EPB41L3: variants seen among roughly 807,000 people sequenced by gnomAD.
EPB41L3 encodes the protein band 4.1-like protein 3.
In EPB41L3, 57 loss-of-function variants were observed where a neutral mutation model predicts 127.1. That is an observed-to-expected ratio of 0.45 (90% CI 0.36 to 0.56). The LOEUF is 0.56. EPB41L3 is among the 20% of genes least tolerant of loss of function. The probability of loss-of-function intolerance (pLI) is 0.00; values close to 1 mark genes in which losing one functional copy is unlikely to be tolerated. For missense variants in EPB41L3, 1,273 were observed against 1,372.2 expected, an observed-to-expected ratio of 0.93 and a Z score of 1.14; for synonymous variants, 572 against 549.5, an observed-to-expected ratio of 1.04 and a Z score of -0.57.
intron 2 of EPB41L3, among the ~76,000 whole-genome samples, chr18:5,487,471 T>C (rs1017499790): frequency 1.9e-4 from 28 of 151,144 alleles, no homozygotes; most frequent in Middle Eastern, 7.0e-3. Context: ...AGATAGTAAG[T>C]TTTATTTGTA....
At position 5,533,241 on chromosome 18, in the gene EPB41L3, T is replaced by G. The variant is rs542954168; in HGVS notation, c.-12+10672A>C. 2.0e-4 allele frequency among the ~76,000 whole-genome samples: 31 copies of G among 152,320 alleles called. 1 individual carries two copies. The highest frequency in any genetic ancestry group is 3.5e-4 in the Non-Finnish European group (24 of 68,032). On this transcript the variant is annotated intron_variant, in intron 1 of 22. Coordinates refer to ENST00000341928, the MANE Select transcript of EPB41L3 (RefSeq NM_012307.5). ...GACACGGCCATGCTGTCAGAAAAGC[T>G]TAAGACCTTGAGGCTGAATGGCAAC... is the stretch of plus-strand genomic sequence containing the variant.
At chr18:5,515,414 A>G (rs2092709769) in intron 1 of EPB41L3, among the ~76,000 whole-genome samples, 1 of 152,172 alleles carries the variant, frequency 6.6e-6, no homozygotes, top group Non-Finnish European at 1.5e-5. Flanking sequence ...TTTGAAATGA[A>G]CTCTGCATCA....
intron 6 of EPB41L3, among the ~76,000 whole-genome samples, chr18:5,437,243 T>G (rs778317059): frequency 1.4e-4 from 22 of 152,098 alleles, no homozygotes; most frequent in Non-Finnish European, 3.1e-4. Context: ...ATGGGATTAG[T>G]GCCCTTACAA....
intron 1 of EPB41L3, among the ~76,000 whole-genome samples, chr18:5,494,351 T>C (rs1568417515): frequency 6.6e-6 from 1 of 152,078 alleles, no homozygotes; most frequent in Admixed American, 6.6e-5. Flanking sequence ...ACCTCCTGAG[T>C]TGTGTTTAAA....
chr18:5,452,014 ATTTTAGTAGAGACATGGTTTTGACAC>A (rs1333322079), intron 3 of EPB41L3, among the ~76,000 whole-genome samples: 1 of 151,930 alleles, frequency 6.6e-6, no homozygotes, highest in East Asian at 1.9e-4. Context: ...AATTTTTGTA[ATTTTAGTAGAGACATGGTTTTGACAC>A]TTTTAGTAGA....
At position 5,433,576 on chromosome 18, in the gene EPB41L3, G is replaced by A; in HGVS notation, c.825-20C>T. On this transcript the variant is annotated intron_variant, in intron 7 of 22. Transcript: ENST00000341928. ...ATTCCTCTGATGAGAAGAAAAATATGTTACAATGATGCTTTTCCCTTCCCT... is the reference window on the plus strand; with the variant it reads ...ATTCCTCTGATGAGAAGAAAAATATATTACAATGATGCTTTTCCCTTCCCT... 6.3e-7 allele frequency: 1 copy of A among 1,595,128 alleles called. No individual in the cohort carries two copies. Among genetic ancestry groups the A allele is most frequent in the Non-Finnish European group, 8.6e-7 (1 of 1,167,618 alleles).
At chr18:5,612,660 A>G (rs1281104665) in intron 2 of EPB41L3, among the ~76,000 whole-genome samples, 1 of 152,242 alleles carries the variant, frequency 6.6e-6, no homozygotes, top group Non-Finnish European at 1.5e-5. Flanking sequence ...TACTTGCTAA[A>G]GATGCAGAAA....
At chr18:5,536,379 G>C (rs2093572203) in intron 1 of EPB41L3, among the ~76,000 whole-genome samples, 1 of 151,034 alleles carries the variant, frequency 6.6e-6, no homozygotes, top group African/African-American at 2.4e-5. Context: ...CCATCATTAA[G>C]GTAATGATCC....
At position 5,434,255 on chromosome 18, in the gene EPB41L3, A is replaced by G. The variant is rs539637692; in HGVS notation, c.606-134T>C. 7 of 646,896 alleles carry G rather than the reference A, an allele frequency of 1.1e-5. No homozygotes were observed. The South Asian group carries it at 1.2e-4, about 11-fold the overall frequency. The allele number at this position is 646,896 out of a possible 1,614,324, so 40.1% of individuals were successfully genotyped here. On this transcript the variant is annotated intron_variant, in intron 6 of 22. Coordinates refer to ENST00000341928, the MANE Select transcript of EPB41L3 (RefSeq NM_012307.5). ...CTCTAGGATAAATTTTCTAGCGTCT[A>G]TATATTTTGATATTTACTTCATACA...
upstream of EPB41L3, among the ~76,000 whole-genome samples, chr18:5,547,246 C>A (rs533327339): frequency 1.2e-3 from 177 of 152,340 alleles, no homozygotes; most frequent in Non-Finnish European, 2.2e-3. Flanking sequence ...AATAAAGCCA[C>A]TATAGCCCCA....
At position 5,397,946 on chromosome 18, in the gene EPB41L3, C is replaced by G. The variant is rs1272818600; in HGVS notation, c.2472+75G>C. 6.3e-7 allele frequency: 1 copy of G among 1,593,314 alleles called. No homozygotes were observed. The highest frequency in any genetic ancestry group is 8.6e-7 in the Non-Finnish European group (1 of 1,165,540). On this transcript the variant is annotated intron_variant, in intron 17 of 22. Coordinates refer to ENST00000341928, the MANE Select transcript of EPB41L3 (RefSeq NM_012307.5). The surrounding 1 kb of genome is among the most constrained non-coding windows in gnomAD (Gnocchi z 4.1). ...AAAGCCAGCTGGATGCAACCACACA[C>G]TCACGCCCAAAAAAAGGGTAAGGAA...
intron 1 of EPB41L3, among the ~76,000 whole-genome samples, chr18:5,619,472 A>G (rs1317808778): frequency 6.6e-6 from 1 of 152,138 alleles, no homozygotes; most frequent in African/African-American, 2.4e-5. Context: ...TCATTTCCAG[A>G]TACAAAGTTA....
chr18:5,491,304 C>T (rs912523506), intron 1 of EPB41L3, among the ~76,000 whole-genome samples: 2 of 152,176 alleles, frequency 1.3e-5, no homozygotes, highest in Non-Finnish European at 2.9e-5. Flanking sequence ...CCATGACCCA[C>T]CTACTCTGGA....
At chr18:5,444,609 A>G (rs927570438) in intron 4 of EPB41L3, among the ~76,000 whole-genome samples, 1 of 152,228 alleles carries the variant, frequency 6.6e-6, no homozygotes, top group Non-Finnish European at 1.5e-5. Flanking sequence ...TACTAAACAT[A>G]TTAGACAAGT....
chr18:5,572,732 C>T (rs192949006), intron 3 of EPB41L3, among the ~76,000 whole-genome samples: 2 of 152,242 alleles, frequency 1.3e-5, no homozygotes, highest in Admixed American at 6.5e-5. Context: ...CACCACCACA[C>T]TCAGGTAATT....
chr18:5,512,493 C>T (rs1465185132), intron 1 of EPB41L3, among the ~76,000 whole-genome samples: 3 of 152,098 alleles, frequency 2.0e-5, no homozygotes, highest in Non-Finnish European at 4.4e-5. Flanking sequence ...CATCAATGCA[C>T]ATTAGGAGCA....
chr18:5,414,791 G>A (rs909103529), intron 13 of EPB41L3, among the ~76,000 whole-genome samples: 12 of 152,190 alleles, frequency 7.9e-5, no homozygotes, highest in Non-Finnish European at 1.6e-4. Flanking sequence ...CTGCTGGGCT[G>A]TTCACTGGGC....
intron 3 of EPB41L3, among the ~76,000 whole-genome samples, chr18:5,454,045 G>A (rs560510369): frequency 1.3e-5 from 2 of 152,150 alleles, no homozygotes; most frequent in South Asian, 4.1e-4. Flanking sequence ...TAAAGAGTTC[G>A]GCAAACTCTC....
At chr18:5,541,275 A>AAAAAAAAAAAT (rs2093722932) in intron 1 of EPB41L3, among the ~76,000 whole-genome samples, 1 of 150,614 alleles carries the variant, frequency 6.6e-6, no homozygotes, top group African/African-American at 2.4e-5. Context: ...AAAAAAAAAA[A>AAAAAAAAAAAT]AAGTCTCTCT....
Sources: allele counts gnomAD v4.1 joint callset (sites outside exome capture counted in the v4.1 genomes callset), GRCh38; gene constraint gnomAD v4.1.1; non-coding constraint Gnocchi (gnomAD v3.1); transcripts MANE v1.5; gene names NCBI Gene and HGNC (gene_info 2026-07-23, HGNC 2026-07-21).